Variants in PTPRN2 observed in about 807,000 individuals in gnomAD.
PTPRN2 encodes receptor-type tyrosine-protein phosphatase N2.
PTPRN2 carries 74 observed loss-of-function variants against 118.8 expected under a neutral mutation model. The observed-to-expected ratio is 0.62, with a 90% CI of 0.52 to 0.76. The LOEUF (loss-of-function observed/expected upper bound fraction) is 0.76, where lower values mean the gene tolerates loss of function less well. PTPRN2 is among the 30% of genes least tolerant of loss of function. PTPRN2 has a pLI of 0.00. For missense variants in PTPRN2, 1,481 were observed against 1,394.4 expected (o/e 1.06, Z -0.99); for synonymous variants, 641 against 608.0 (o/e 1.05, Z -0.80).
At position 157,558,242 on chromosome 7, in the gene PTPRN2, G is replaced by A. The variant is rs185574496; in HGVS notation, c.2903-9223C>T. 3.4e-4 allele frequency among the ~76,000 whole-genome samples: 52 copies of A among 152,134 alleles called. No homozygotes were observed. In the East Asian group the frequency reaches 9.1e-3, roughly 27 times the overall value. ...CCTGCACAACCAGTGCCAGGGCACC[G>A]GGGCAGGACCGAGATGCAAACGCAG... On this transcript the variant is annotated intron_variant, in intron 21 of 22. Transcript: ENST00000389418.
intron 14 of PTPRN2, among the ~76,000 whole-genome samples, chr7:157,655,192 G>A (rs993957809): frequency 2.6e-5 from 4 of 152,198 alleles, no homozygotes; most frequent in Non-Finnish European, 4.4e-5. Flanking sequence ...CTCAGGGATC[G>A]GGAAAGCCAG....
intron 12 of PTPRN2, among the ~76,000 whole-genome samples, chr7:157,772,910 GC>G (rs1420295093): frequency 1.3e-5 from 2 of 152,228 alleles, no homozygotes; most frequent in Non-Finnish European, 2.9e-5. Flanking sequence ...GGAGCTGGAG[GC>G]CTGGGTGATA....
chr7:157,603,893 G>T lies in PTPRN2; in HGVS notation c.2418+109C>A. 3.8e-6 allele frequency: 4 copies of T among 1,044,540 alleles called. No individual in the cohort carries two copies. The highest frequency in any genetic ancestry group is 5.7e-6 in the Non-Finnish European group (4 of 707,754). 64.7% of individuals were successfully genotyped at this position (1,044,540 alleles called of 1,614,324 possible). ...AGTCGGCCCTGTCCACCGCAGAGAC[G>T]CTGAGCTGGGTGGGGACGTGATTTC... On this transcript the variant is annotated intron_variant, in intron 16 of 22. Coordinates refer to ENST00000389418, the MANE Select transcript of PTPRN2 (RefSeq NM_002847.5). This position sits in a 1 kb window ranked among gnomAD's most constrained non-coding sequence, Gnocchi z 5.4.
At chr7:158,333,302 T>C (rs796259681) in intron 2 of PTPRN2, among the ~76,000 whole-genome samples, 1,110 of 45,528 alleles carry the variant, frequency 0.024, 2 homozygotes, top group Middle Eastern at 0.056. Context: ...AGAGGTGACA[T>C]CTGCAGACGT....
chr7:158,057,678 T>G (rs1249134842), intron 11 of PTPRN2, among the ~76,000 whole-genome samples: 1 of 151,930 alleles, frequency 6.6e-6, no homozygotes, highest in Non-Finnish European at 1.5e-5. Context: ...CACTTCCTCA[T>G]GAGGAAAAGG....
intron 3 of PTPRN2, among the ~76,000 whole-genome samples, chr7:158,220,686 G>GAATT (rs1019845328): frequency 2.0e-5 from 3 of 151,736 alleles, no homozygotes; most frequent in African/African-American, 7.3e-5. Context: ...ATCTCTACAA[G>GAATT]AATTAAAAAA....
chr7:158,028,951 A>G (rs1807479233), intron 11 of PTPRN2: 1 of 152,286 alleles, frequency 6.6e-6, no homozygotes, highest in Non-Finnish European at 1.5e-5. Context: ...GAACCACCAC[A>G]TCACCAGGCT....
intron 11 of PTPRN2, among the ~76,000 whole-genome samples, chr7:158,066,302 C>T (rs997588542): frequency 6.6e-6 from 1 of 152,216 alleles, no homozygotes; most frequent in Admixed American, 6.5e-5. Context: ...TCTCTGCAAA[C>T]AGCCACCCTT....
At chr7:158,485,862 G>A (rs980829442) in intron 2 of PTPRN2, among the ~76,000 whole-genome samples, 2 of 152,158 alleles carry the variant, frequency 1.3e-5, no homozygotes, top group African/African-American at 2.4e-5. Context: ...ATTTTCGCAC[G>A]GCTGTCATCG....
rs1351544889 is a variant in PTPRN2 at position 157,780,688 on chromosome 7, G to A, written c.1789-97751C>T. Among the ~76,000 whole-genome samples, 2 of 152,166 alleles carry A rather than the reference G, an allele frequency of 1.3e-5. No individual in the cohort carries two copies. The highest frequency in any genetic ancestry group is 2.1e-4 in the South Asian group (1 of 4,828). On this transcript the variant is annotated intron_variant, in intron 12 of 22. Transcript: ENST00000389418. The surrounding 1 kb of genome is among the most constrained non-coding windows in gnomAD (Gnocchi z 4.5). ...TTCACCCATTTCGCAGGGTGGTCAC[G>A]GGTATTCCCTATGTTGGAATGCATG...
chr7:158,326,229 C>T (rs1803512453), intron 2 of PTPRN2, among the ~76,000 whole-genome samples: 1 of 152,210 alleles, frequency 6.6e-6, no homozygotes, highest in Non-Finnish European at 1.5e-5. Flanking sequence ...AAGGCAAGGC[C>T]CAGAGGCTGC....
chr7:158,367,350 A>G (rs1244281945), intron 2 of PTPRN2, among the ~76,000 whole-genome samples: 1 of 152,240 alleles, frequency 6.6e-6, no homozygotes, highest in East Asian at 1.9e-4. Context: ...CACCTGTAAA[A>G]TACGGAAGCT....
intron 12 of PTPRN2, among the ~76,000 whole-genome samples, chr7:157,758,247 A>G (rs1801920834): frequency 6.6e-6 from 1 of 152,230 alleles, no homozygotes; most frequent in Non-Finnish European, 1.5e-5. Flanking sequence ...ATGGATGATG[A>G]CGAGCGTGGT....
chr7:157,597,271 AC>A (rs1801398726), intron 16 of PTPRN2, among the ~76,000 whole-genome samples: 1 of 152,214 alleles, frequency 6.6e-6, no homozygotes, highest in African/African-American at 2.4e-5. Flanking sequence ...ATTCGCCACA[AC>A]ACACACAATA....
At chr7:157,927,191 T>C in intron 11 of PTPRN2, among the ~76,000 whole-genome samples, 1 of 99,668 alleles carries the variant, frequency 1.0e-5, no homozygotes, top group Non-Finnish European at 2.0e-5. Flanking sequence ...GCCTCGCGTC[T>C]TCTGGGACCC....
intron 11 of PTPRN2, among the ~76,000 whole-genome samples, chr7:157,989,496 G>T (rs1477336621): frequency 7.7e-6 from 1 of 129,640 alleles, no homozygotes; most frequent in Admixed American, 8.0e-5. Flanking sequence ...TCAGAGGGCA[G>T]AAGAAAGCGG....
At position 157,611,793 on chromosome 7, in the gene PTPRN2, CGG is replaced by C. The variant is rs1563260285; in HGVS notation, c.2345-7720_2345-7719del. ...CAGCCGCAGTCATGCTGGGGACACG[CGG>C]AGGGAGAGCGCCCGTGTGAAGACGA... On this transcript the variant is annotated intron_variant, in intron 15 of 22. Transcript: ENST00000389418. The surrounding 1 kb of genome is among the most constrained non-coding windows in gnomAD (Gnocchi z 5.9). Among the ~76,000 whole-genome samples the C allele has an allele frequency of 2.1e-4, 30 of 145,222 alleles. 1 individual carries two copies. Among genetic ancestry groups the C allele is most frequent in the African/African-American group, 6.5e-4 (25 of 38,678 alleles).
At chr7:158,507,599 G>A (rs563026770) in intron 1 of PTPRN2, among the ~76,000 whole-genome samples, 21 of 150,166 alleles carry the variant, frequency 1.4e-4, no homozygotes, top group African/African-American at 5.2e-4. Flanking sequence ...ACGAAGGTCA[G>A]TGAGGAACAT....
At chr7:157,862,844 T>TGCGCGGGAAGCAGCGAG (rs879468181) in intron 12 of PTPRN2, 1 of 152,422 alleles carries the variant, frequency 6.6e-6, no homozygotes, top group African/African-American at 2.4e-5. Flanking sequence ...AGCGGCGAGG[T>TGCGCGGGAAGCAGCGAG]GTGCGGGAAG....
Sources: gnomAD v4.1 joint callset for allele counts (sites outside exome capture counted in the v4.1 genomes callset) on GRCh38, gnomAD v4.1.1 for gene constraint, Gnocchi (gnomAD v3.1) non-coding constraint, MANE v1.5 for transcripts, NCBI Gene and HGNC (gene_info 2026-07-23, HGNC 2026-07-21) for gene names.